The following CCNF variants were observed in gnomAD, a reference collection of about 807,000 sequenced individuals.
CCNF encodes the protein cyclin-F.
In CCNF, 30 loss-of-function variants were observed where a neutral mutation model predicts 85.4. The observed-to-expected ratio is 0.35, with a 90% CI of 0.26 to 0.48. The LOEUF (loss-of-function observed/expected upper bound fraction) is 0.48, where lower values mean the gene tolerates loss of function less well. Ranked by LOEUF, CCNF falls within the 20% of genes least tolerant of loss-of-function variation. The pLI, the probability that CCNF is intolerant of heterozygous loss-of-function variation, is 0.99. For missense variants in CCNF, 919 were observed against 1,010.4 expected, an observed-to-expected ratio of 0.91 and a Z score of 1.23; for synonymous variants, 439 against 425.1, an observed-to-expected ratio of 1.03 and a Z score of -0.40.
At chr16:2,429,791 C>T (rs1350675456) in intron 1 of CCNF, among the ~76,000 whole-genome samples, 1 of 141,350 alleles carries the variant, frequency 7.1e-6, no homozygotes, top group Non-Finnish European at 1.5e-5. Flanking sequence ...GCGATCGGGT[C>T]CCGGGGCGGC....
chr16:2,456,941 C>T lies in CCNF; in HGVS notation c.2282C>T (p.Pro761Leu), dbSNP rs760181877. The T allele has an allele frequency of 6.4e-5, 104 of 1,613,774 alleles. No homozygotes were observed. The highest frequency in any genetic ancestry group is 1.6e-4 in the Middle Eastern group (1 of 6,084). The change falls in exon 17 of 17, where the codon CCC becomes CTC. Residue 761 changes from proline (P) to leucine (L), a missense_variant. Pro to Leu is a moderately conservative substitution (Grantham distance 98, BLOSUM62 -3). This residue lies in a region of CCNF where 505 missense variants were observed against 514.8 expected (regional missense o/e 0.98). Coordinates refer to ENST00000397066, the MANE Select transcript of CCNF (RefSeq NM_001761.3). This position sits in a 1 kb window ranked among gnomAD's most constrained non-coding sequence, Gnocchi z 4.5. ...CCAAGTCCCCCGGAGAGCAGTGTTC[C>T]CCAGCAACAGGTGAAGCGGATAAAC... is the stretch of plus-strand genomic sequence containing the variant. ...RPPSPPESSVPQQQVKRINLC... is the reference protein window; with the variant it reads ...RPPSPPESSVLQQQVKRINLC...
At chr16:2,429,528 G>A in intron 1 of CCNF, 31 bp downstream of exon 1, 1 of 1,229,636 alleles carries the variant, frequency 8.1e-7, no homozygotes, top group Non-Finnish European at 1.0e-6. Context: ...GCTGGTTTCT[G>A]CCCCACACCC....
At chr16:2,442,160 C>T (rs947901173) in intron 8 of CCNF, among the ~76,000 whole-genome samples, 12 of 144,222 alleles carry the variant, frequency 8.3e-5, no homozygotes, top group Admixed American at 2.9e-4. Context: ...CATTGCACCA[C>T]CACGCCCAGC....
chr16:2,453,567 T>C lies in CCNF; in HGVS notation c.1715+30T>C, dbSNP rs1046480168. The C allele has an allele frequency of 1.2e-6, 2 of 1,613,278 alleles. No individual in the cohort carries two copies. The highest frequency in any genetic ancestry group is 1.1e-5 in the South Asian group (1 of 91,086). The stretch of plus-strand genomic sequence containing the variant: ...GTTACCCTGCGTTCTGGCTGCGCCA[T>C]ACAATGCTGGCATCCTCGTGCCGGC... On this transcript the variant is annotated intron_variant, in intron 15 of 16. Transcript: ENST00000397066. This position sits in a 1 kb window ranked among gnomAD's most constrained non-coding sequence, Gnocchi z 5.6.
chr16:2,441,981 A>ATATATATATGTG (rs1322601122), intron 8 of CCNF, among the ~76,000 whole-genome samples: 7 of 98,746 alleles, frequency 7.1e-5, no homozygotes, highest in African/African-American at 1.9e-4. Context: ...ATATATATAT[A>ATATATATATGTG]TGTTTTTGTT....
In CCNF at chr16:2,456,928, G is replaced by C; in HGVS notation, c.2269G>C (p.Glu757Gln). 6.2e-7 allele frequency: 1 copy of C among 1,614,120 alleles called. No individual in the cohort carries two copies. The highest frequency in any genetic ancestry group is 8.5e-7 in the Non-Finnish European group (1 of 1,180,022). ...CLQCRPPSPPESSVPQQQVKR... is the reference protein window; with the variant it reads ...CLQCRPPSPPQSSVPQQQVKR... ...ACAGTGTCGTCCCCCAAGTCCCCCG[G>C]AGAGCAGTGTTCCCCAGCAACAGGT... Residue 757 changes from glutamate (E) to glutamine (Q), a missense_variant, in exon 17 of 17, where the codon GAG (glutamate) becomes CAG (glutamine). Coordinates refer to ENST00000397066, the MANE Select transcript of CCNF (RefSeq NM_001761.3). The surrounding 1 kb of genome is among the most constrained non-coding windows in gnomAD (Gnocchi z 4.5).
rs534293532 is a variant in CCNF, at chr16:2,446,013, AGCCACTGCGCCT to A, written c.1094+393_1094+404del. 3.4e-3 allele frequency among the ~76,000 whole-genome samples: 520 copies of A among 152,320 alleles called. 4 individuals are homozygous for A. The highest frequency in any genetic ancestry group is 0.012 in the African/African-American group (498 of 41,574). On this transcript the variant is annotated intron_variant, in intron 10 of 16. Coordinates refer to ENST00000397066, the MANE Select transcript of CCNF (RefSeq NM_001761.3). ...CCAAAATGCTGGGATTACAGGCACA[AGCCACTGCGCCT>A]GGCCCTCACTGGTTCTTGACTCATG...
At chr16:2,429,949 G>A (rs185301736) in intron 1 of CCNF, among the ~76,000 whole-genome samples, 2 of 152,338 alleles carry the variant, frequency 1.3e-5, no homozygotes, top group Non-Finnish European at 2.9e-5. Context: ...GTGGAAAGCA[G>A]CGTTCGGCCC....
chr16:2,437,824 G>A (rs1286739480), intron 5 of CCNF: 2 of 492,984 alleles, frequency 4.1e-6, no homozygotes, highest in East Asian at 6.9e-5. Flanking sequence ...GCTTGAGCCT[G>A]GGAGGTTGAG....
intron 7 of CCNF, 22 bp from the exon 8 acceptor site, chr16:2,439,727 C>T: frequency 1.2e-6 from 2 of 1,607,284 alleles, no homozygotes; most frequent in South Asian, 1.1e-5. Context: ...TGTACAAAGG[C>T]TCGGTGATCT....
rs1159447345 is a variant in CCNF, at chr16:2,433,078, A to G, written c.278+11A>G. 6.4e-7 allele frequency: 1 copy of G among 1,566,616 alleles called. No individual in the cohort carries two copies. The highest frequency in any genetic ancestry group is 1.1e-5 in the South Asian group (1 of 88,902). On this transcript the variant is annotated intron_variant, in intron 3 of 16. Coordinates refer to ENST00000397066, the MANE Select transcript of CCNF (RefSeq NM_001761.3). ...GAAGCTCTTTGAAAGGTATCTCTGC[A>G]CCCTGAGAATGGCTCAGTCTTCTCC... is the stretch of plus-strand genomic sequence containing the variant.
chr16:2,443,765 C>T lies in CCNF; in HGVS notation c.894C>T (p.Val298=). Residue 298 remains valine, a synonymous_variant, in exon 9 of 17, where the codon GTC becomes GTT. Transcript: ENST00000397066. The part of the protein sequence containing the change: ...QASQAVSKQQ[V]FSVQKGLNDT... The stretch of plus-strand genomic sequence containing the variant: ...CCCAGGCTGTCAGTAAACAACAAGT[C>T]TTCTCCGTGCAGAAGGGACTCAATG... 2 of 1,614,158 alleles carry T rather than the reference C, an allele frequency of 1.2e-6. No individual in the cohort carries two copies. Among genetic ancestry groups the T allele is most frequent in the Non-Finnish European group, 1.7e-6 (2 of 1,180,012 alleles).
At chr16:2,443,600 CTG>C (rs772064770) in intron 8 of CCNF, 47 bp from the exon 9 acceptor site, 7 of 1,591,672 alleles carry the variant, frequency 4.4e-6, no homozygotes, top group Non-Finnish European at 4.3e-6. Context: ...AAATGGAAAA[CTG>C]CAACATGGCT....
chr16:2,453,486 C>G lies in CCNF; in HGVS notation c.1664C>G (p.Thr555Arg). ...CCCGACCCCCCGACTTTCCTCAGCACAGGGGAGATCCACGCCTTCCTCAGC... is the reference window on the plus strand; with the variant it reads ...CCCGACCCCCCGACTTTCCTCAGCAGAGGGGAGATCCACGCCTTCCTCAGC... ...DSPDPPTFLS[T>R]GEIHAFLSSP... Residue 555 changes from threonine (T) to arginine (R), a missense_variant, in exon 15 of 17, where the codon ACA (threonine) becomes AGA (arginine). This residue lies in a region of CCNF where 505 missense variants were observed against 514.8 expected (regional missense o/e 0.98). Transcript: ENST00000397066. The surrounding 1 kb of genome is among the most constrained non-coding windows in gnomAD (Gnocchi z 5.6). 1 of 1,614,094 alleles carries G rather than the reference C, an allele frequency of 6.2e-7. No individual in the cohort carries two copies. Among genetic ancestry groups the G allele is most frequent in the Non-Finnish European group, 8.5e-7 (1 of 1,179,998 alleles).
intron 9 of CCNF, 76 bp from the exon 10 acceptor site, chr16:2,445,382 C>G: frequency 1.3e-6 from 2 of 1,524,958 alleles, no homozygotes. Flanking sequence ...TCGGGCCCAA[C>G]AGGTGGGGTT....
Position 2,455,057 on chromosome 16 carries a change from CAAAAAAAA to C in CCNF, c.1716-320_1716-313del, listed in dbSNP as rs113432361. Among the ~76,000 whole-genome samples the C allele has an allele frequency of 1.7e-4, 8 of 47,238 alleles. No homozygotes were observed. The East Asian group carries it at 3.0e-3, about 18-fold the overall frequency. 31.0% of individuals were successfully genotyped at this position (47,238 alleles called of 152,430 possible). On this transcript the variant is annotated intron_variant, in intron 15 of 16. Coordinates refer to ENST00000397066, the MANE Select transcript of CCNF (RefSeq NM_001761.3). ...CCTGGGCGACAGAGCAAGAACACCT[CAAAAAAAA>C]AAAAAAAAAAAAAAAAACACTGGAA... is the stretch of plus-strand genomic sequence containing the variant.
intron 2 of CCNF, among the ~76,000 whole-genome samples, chr16:2,431,516 C>T (rs1476588359): frequency 3.3e-5 from 5 of 151,800 alleles, no homozygotes; most frequent in Admixed American, 6.6e-5. Flanking sequence ...CCCATCTCTA[C>T]TAAAAATACA....
chr16:2,436,666 A>G (rs1214936520), intron 4 of CCNF: 1 of 152,652 alleles, frequency 6.6e-6, no homozygotes, highest in Admixed American at 6.5e-5. Flanking sequence ...CACACACCAT[A>G]CAGTTCACCC....
intron 16 of CCNF, 86 bp downstream of exon 16, chr16:2,455,650 G>A (rs533557214): frequency 4.9e-5 from 72 of 1,468,862 alleles, no homozygotes; most frequent in East Asian, 3.9e-4. Context: ...GGCCCTGTGC[G>A]AGCGCTGTGG....
Sources: gnomAD v4.1 joint callset for allele counts (sites outside exome capture counted in the v4.1 genomes callset) on GRCh38, gnomAD v4.1.1 for gene constraint, gnomAD v4.1.1 regional missense constraint, Gnocchi (gnomAD v3.1) non-coding constraint, MANE v1.5 for transcripts, NCBI Gene and HGNC (gene_info 2026-07-23, HGNC 2026-07-21) for gene names.